Variants in PUS7L observed in about 807,000 individuals in gnomAD.
The protein encoded by PUS7L is pseudouridine synthase 7 like.
A neutral mutation model predicts 51.1 loss-of-function variants in PUS7L; 49 were observed. The ratio of observed to expected loss-of-function variants is 0.96; its 90% CI spans 0.76 to 1.22. The LOEUF (loss-of-function observed/expected upper bound fraction) is 1.22, where lower values mean the gene tolerates loss of function less well. Ranked by LOEUF, PUS7L falls within the 50% of genes most tolerant of loss-of-function variation. The pLI, the probability that PUS7L is intolerant of heterozygous loss-of-function variation, is 0.00. For synonymous variants in PUS7L, 277 were observed against 276.2 expected (o/e 1.00, Z -0.03); for missense variants, 828 against 820.6 (o/e 1.01, Z -0.11).
At chr12:43,753,130 A>T (rs1460465390) in intron 2 of PUS7L, among the ~76,000 whole-genome samples, 2 of 152,196 alleles carry the variant, frequency 1.3e-5, no homozygotes, top group African/African-American at 4.8e-5. Context: ...TCTACAAGTA[A>T]AGCTAGTATT....
At chr12:43,731,616 A>G (rs1944555702) in intron 8 of PUS7L, 89 bp downstream of exon 8, 1 of 646,064 alleles carries the variant, frequency 1.5e-6, no homozygotes, top group Non-Finnish European at 2.7e-6. Context: ...GTTTAATAAA[A>G]AAGAGGAGGG....
Position 43,754,583 on chromosome 12 carries a change from A to G in PUS7L, c.663T>C (p.Tyr221=), listed in dbSNP as rs1938603669. The change falls in exon 2 of 9, where the codon TAT becomes TAC. Residue 221 remains tyrosine, a synonymous_variant. Transcript: ENST00000344862. ...TGGAATTTTCTTTCTTTGCATCCAAATATTTAAAAAAGTCAAATGCTTCCT... is the reference window on the plus strand; with the variant it reads ...TGGAATTTTCTTTCTTTGCATCCAAGTATTTAAAAAAGTCAAATGCTTCCT... The part of the protein sequence containing the change: ...SEEEAFDFFK[Y]LDAKKENSKF... 1 of 1,610,078 alleles carries G rather than the reference A, an allele frequency of 6.2e-7. No individual in the cohort carries two copies. The highest frequency in any genetic ancestry group is 8.5e-7 in the Non-Finnish European group (1 of 1,178,802).
intron 7 of PUS7L, among the ~76,000 whole-genome samples, chr12:43,735,456 ATTG>A (rs898556349): frequency 3.3e-5 from 5 of 152,072 alleles, no homozygotes; most frequent in Non-Finnish European, 5.9e-5. Context: ...TCTCTAAGAC[ATTG>A]TTAAGAGGAA....
At chr12:43,740,105 A>G (rs1937820899) in intron 5 of PUS7L, among the ~76,000 whole-genome samples, 2 of 152,178 alleles carry the variant, frequency 1.3e-5, no homozygotes, top group African/African-American at 4.8e-5. Flanking sequence ...TCTTAATGAA[A>G]AAGTTGCCAA....
rs745775176 is a variant in PUS7L, at chr12:43,730,428, G to T, written c.2054C>A (p.Ala685Asp). 6.2e-7 allele frequency: 1 copy of T among 1,613,724 alleles called. No homozygotes were observed. Among genetic ancestry groups the T allele is most frequent in the Non-Finnish European group, 8.5e-7 (1 of 1,179,790 alleles). The change falls in exon 9 of 9, where the codon GCT (alanine) becomes GAT (aspartate). Residue 685 changes from alanine (A) to aspartate (D), a missense_variant. Physicochemically the swap from Ala to Asp is moderately radical, Grantham distance 126. Coordinates refer to ENST00000344862, the MANE Select transcript of PUS7L (RefSeq NM_031292.5). ...LSLLISFDLDASCYATVCLKE... is the reference protein window; with the variant it reads ...LSLLISFDLDDSCYATVCLKE... ...CAGACAAACGGTAGCATAGCATGAA[G>T]CATCAAGATCAAAAGAGATCAAAAG... is the stretch of plus-strand genomic sequence containing the variant.
chr12:43,739,648 G>A (rs1937796185), intron 5 of PUS7L: 1 of 152,060 alleles, frequency 6.6e-6, no homozygotes, highest in African/African-American at 2.4e-5. Flanking sequence ...GGCCAGGCTG[G>A]TCTCGAACTC....
intron 5 of PUS7L, chr12:43,741,051 A>G (rs1010947188): frequency 2.0e-5 from 3 of 152,124 alleles, no homozygotes; most frequent in African/African-American, 7.2e-5. Flanking sequence ...GAGATAATAA[A>G]TGCTTGTTGT....
rs749007814 is a variant in PUS7L, at chr12:43,736,653, TA to T, written c.1452del (p.Gly486AlafsTer5). Reference sequence around the variant, plus strand: ...TCAGGCATCAATGAAAGTGTGCCTTTAGCATCCTCTGAAACAAAGGGTAAAT... The same window carrying T: ...TCAGGCATCAATGAAAGTGTGCCTTTGCATCCTCTGAAACAAAGGGTAAAT... ...AKKYFLQTED[A>X]KGTLSLMPEF... On this transcript the variant is annotated frameshift_variant, in exon 7 of 9. Coordinates refer to ENST00000344862, the MANE Select transcript of PUS7L (RefSeq NM_031292.5). LOFTEE classifies it high-confidence loss of function. The T allele has an allele frequency of 6.2e-7, 1 of 1,613,216 alleles. No individual in the cohort carries two copies. Among genetic ancestry groups the T allele is most frequent in the Non-Finnish European group, 8.5e-7 (1 of 1,179,254 alleles).
chr12:43,757,417 C>T (rs150372847), intron 1 of PUS7L, among the ~76,000 whole-genome samples: 5 of 152,304 alleles, frequency 3.3e-5, no homozygotes, highest in Non-Finnish European at 7.3e-5. Flanking sequence ...GTGATCCACC[C>T]GCCTCGGCCT....
At chr12:43,752,838 A>T (rs1016828128) in intron 2 of PUS7L, among the ~76,000 whole-genome samples, 5 of 152,182 alleles carry the variant, frequency 3.3e-5, no homozygotes, top group African/African-American at 9.7e-5. Flanking sequence ...GACTGTCCTC[A>T]ATGCCACTGA....
Position 43,736,502 on chromosome 12 carries a change from G to C in PUS7L, c.1604C>G (p.Thr535Ser), listed in dbSNP as rs771016525. The C allele has an allele frequency of 3.1e-6, 5 of 1,614,172 alleles. No homozygotes were observed. In the South Asian group the frequency reaches 5.5e-5, roughly 18 times the overall value. ...SMRIFYVHAY[T>S]SKIWNEAVSY... ...TACTGCCTCATTCCAAATTTTGCTGGTATATGCGTGAACATAGAATATGCG... is the reference window on the plus strand; with the variant it reads ...TACTGCCTCATTCCAAATTTTGCTGCTATATGCGTGAACATAGAATATGCG... Residue 535 changes from threonine to serine, a missense_variant, in exon 7 of 9, where the codon ACC (threonine) becomes AGC (serine). Transcript: ENST00000344862.
chr12:43,721,488 T>C lies in PUS7L; in HGVS notation c.*8888A>G, dbSNP rs1461902713. ...TTTCAGAACTTTCTTGAGATGTGTA[T>C]TCAGCAAATAAATTTGCTAAGGTAT... On this transcript the variant is annotated 3_prime_UTR_variant, in exon 9 of 9. Coordinates refer to ENST00000344862, the MANE Select transcript of PUS7L (RefSeq NM_031292.5). 1 of 152,232 alleles carries C rather than the reference T, an allele frequency of 6.6e-6. No homozygotes were observed. The highest frequency in any genetic ancestry group is 2.4e-5 in the African/African-American group (1 of 41,472). 9.4% of individuals were successfully genotyped at this position (152,232 alleles called of 1,614,324 possible).
rs1042416425 is a variant in PUS7L at position 43,728,492 on chromosome 12, T to A, written c.*1884A>T. The A allele has an allele frequency of 6.6e-6, 1 of 152,120 alleles. No homozygotes were observed. Among genetic ancestry groups the A allele is most frequent in the Non-Finnish European group, 1.5e-5 (1 of 67,964 alleles). 9.4% of individuals were successfully genotyped at this position (152,120 alleles called of 1,614,324 possible). A position where few individuals can be genotyped will look rare whatever the true frequency, so the allele number is the denominator to read the frequency against. On this transcript the variant is annotated 3_prime_UTR_variant, in exon 9 of 9. Transcript: ENST00000344862. ...ATAGGATACGATTTATCATATAAAA[T>A]AAAACATTTTTTCTAAATTTTTTTT...
In PUS7L at chr12:43,725,751, T is replaced by C. The variant is rs931697093; in HGVS notation, c.*4625A>G. ...GCAAATGTTAGGTAGATGAAAACAG[T>C]ACTGATTTAAGAAGCATAATCAAGC... On this transcript the variant is annotated 3_prime_UTR_variant, in exon 9 of 9. Coordinates refer to ENST00000344862, the MANE Select transcript of PUS7L (RefSeq NM_031292.5). 1.3e-5 allele frequency: 2 copies of C among 152,150 alleles called. No individual in the cohort carries two copies. The highest frequency in any genetic ancestry group is 4.8e-5 in the African/African-American group (2 of 41,432). The allele number at this position is 152,150 out of a possible 1,614,324, so 9.4% of individuals were successfully genotyped here.
At chr12:43,734,522 C>T (rs1417272307) in intron 7 of PUS7L, among the ~76,000 whole-genome samples, 1 of 152,110 alleles carries the variant, frequency 6.6e-6, no homozygotes, top group African/African-American at 2.4e-5. Flanking sequence ...AACCAAAAAA[C>T]CTTAATTAAT....
chr12:43,757,320 G>A (rs761168826), intron 1 of PUS7L, among the ~76,000 whole-genome samples: 17 of 151,774 alleles, frequency 1.1e-4, no homozygotes, highest in South Asian at 2.1e-4. Context: ...ACAGGGGCGC[G>A]CCACCACGCC....
chr12:43,751,348 TC>T (rs1938432790), intron 2 of PUS7L, among the ~76,000 whole-genome samples: 1 of 78,388 alleles, frequency 1.3e-5, no homozygotes, highest in South Asian at 5.5e-4. Flanking sequence ...CCCTCCCCCC[TC>T]CCCCCACTCC....
chr12:43,753,547 C>T (rs1938553996), intron 2 of PUS7L, among the ~76,000 whole-genome samples: 1 of 152,112 alleles, frequency 6.6e-6, no homozygotes, highest in Non-Finnish European at 1.5e-5. Flanking sequence ...AAATATCTTG[C>T]TAAATAAATT....
At chr12:43,738,209 T>G in intron 6 of PUS7L, 101 bp downstream of exon 6, 1 of 720,474 alleles carries the variant, frequency 1.4e-6, no homozygotes, top group East Asian at 2.7e-5. Flanking sequence ...ATTTATTTCT[T>G]ATCACATTTA....
Sources: gnomAD v4.1 joint callset for allele counts (sites outside exome capture counted in the v4.1 genomes callset) on GRCh38, gnomAD v4.1.1 for gene constraint, MANE v1.5 for transcripts, NCBI Gene and HGNC (gene_info 2026-07-23, HGNC 2026-07-21) for gene names.